RASAL2: variants seen among roughly 807,000 people sequenced by gnomAD.
The protein encoded by RASAL2 is RAS protein activator like 2, also known as ras GTPase-activating protein nGAP.
Under a neutral mutation model 128.9 loss-of-function variants are expected in RASAL2, and 58 were observed. That is an observed-to-expected ratio of 0.45 (90% CI 0.36 to 0.56). The LOEUF is 0.56. Among genes scored for constraint, RASAL2 ranks in the 20% least tolerant of loss-of-function variants. The pLI is 0.00. For missense variants in RASAL2, 1,360 were observed against 1,601.6 expected, an observed-to-expected ratio of 0.85 and a Z score of 2.57; for synonymous variants, 561 against 580.8, an observed-to-expected ratio of 0.97 and a Z score of 0.49.
At chr1:178,192,215 C>T (rs1662518551) in intron 1 of RASAL2, among the ~76,000 whole-genome samples, 1 of 152,096 alleles carries the variant, frequency 6.6e-6, no homozygotes, top group South Asian at 2.1e-4. Flanking sequence ...TTTTTCTTTT[C>T]CCTGTCCCTC....
chr1:178,324,504 A>G (rs892788056), intron 3 of RASAL2, among the ~76,000 whole-genome samples: 1 of 151,156 alleles, frequency 6.6e-6, no homozygotes, highest in Non-Finnish European at 1.5e-5. Context: ...GTTTTTTTCC[A>G]TTTTCACTTG....
chr1:178,434,605 A>G (rs1190589150), intron 5 of RASAL2, among the ~76,000 whole-genome samples: 2 of 152,092 alleles, frequency 1.3e-5, no homozygotes, highest in Non-Finnish European at 2.9e-5. Flanking sequence ...TTTTTAAGCT[A>G]ACATAAAAAT....
chr1:178,339,654 T>C (rs1433312193), intron 3 of RASAL2, among the ~76,000 whole-genome samples: 1 of 152,224 alleles, frequency 6.6e-6, no homozygotes, highest in Non-Finnish European at 1.5e-5. Context: ...GAGGCCACTT[T>C]AGCCATTTTA....
chr1:178,369,859 ATAT>A (rs762945176), intron 3 of RASAL2, among the ~76,000 whole-genome samples: 61 of 152,208 alleles, frequency 4.0e-4, no homozygotes, highest in Non-Finnish European at 2.1e-4. Flanking sequence ...AAGGTATGAG[ATAT>A]TGTTGAGAAA....
In RASAL2 at chr1:178,456,805, C is replaced by T. The variant is rs1422157031; in HGVS notation, c.2296C>T (p.Gln766Ter). The change falls in exon 13 of 18, where the codon CAA becomes TAA. Residue 766 changes from glutamine (Q) to a stop codon, truncating the protein, a stop_gained. Transcript: ENST00000367649. LOFTEE classifies it high-confidence loss of function. ...GACTAATCCTACGCCAATACAACAG[C>T]AACTGAGACGCTTCACTGAACATAA... The part of the protein sequence containing the change: ...SLTNPTPIQQ[Q>*]LRRFTEHNSS... 1 of 1,614,174 alleles carries T rather than the reference C, an allele frequency of 6.2e-7. No homozygotes were observed. The highest frequency in any genetic ancestry group is 8.5e-7 in the Non-Finnish European group (1 of 1,180,032).
At chr1:178,153,895 G>A (rs1417203732) in intron 1 of RASAL2, among the ~76,000 whole-genome samples, 1 of 152,150 alleles carries the variant, frequency 6.6e-6, no homozygotes, top group Admixed American at 6.5e-5. Context: ...GAATGCAGTG[G>A]TGCGATCTTG....
At chr1:178,396,794 C>T (rs1246691125) in intron 4 of RASAL2, among the ~76,000 whole-genome samples, 3 of 136,360 alleles carry the variant, frequency 2.2e-5, no homozygotes, top group Non-Finnish European at 4.7e-5. Flanking sequence ...AATATCAATA[C>T]AAAATTTTTT....
chr1:178,419,317 C>A (rs535564437), intron 4 of RASAL2, among the ~76,000 whole-genome samples: 1 of 151,898 alleles, frequency 6.6e-6, no homozygotes, highest in African/African-American at 2.4e-5. Flanking sequence ...TCTATTGCCC[C>A]GGCTGGAGTG....
chr1:178,215,096 A>G (rs1663384193), intron 1 of RASAL2, among the ~76,000 whole-genome samples: 1 of 152,188 alleles, frequency 6.6e-6, no homozygotes, highest in South Asian at 2.1e-4. Flanking sequence ...TTCCATGTGT[A>G]ACAGTTAACT....
At chr1:178,360,598 G>A (rs73035272) in intron 3 of RASAL2, among the ~76,000 whole-genome samples, 3,154 of 152,266 alleles carry the variant, frequency 0.021, 92 homozygotes, top group African/African-American at 0.069. Context: ...CTTCCAGTCA[G>A]CAAGGTTACA....
chr1:178,319,412 C>G (rs1417682685), intron 3 of RASAL2, among the ~76,000 whole-genome samples: 1 of 151,628 alleles, frequency 6.6e-6, no homozygotes. Flanking sequence ...TCCATTCTCC[C>G]CATCACTTTC....
chr1:178,209,494 T>C (rs943013870), intron 1 of RASAL2, among the ~76,000 whole-genome samples: 2 of 152,218 alleles, frequency 1.3e-5, no homozygotes, highest in African/African-American at 4.8e-5. Flanking sequence ...CTCATCTTTT[T>C]CCATTCCTAT....
chr1:178,122,289 C>T (rs999239914), intron 1 of RASAL2, among the ~76,000 whole-genome samples: 2 of 152,060 alleles, frequency 1.3e-5, no homozygotes, highest in African/African-American at 2.4e-5. Context: ...AGAAAAAATA[C>T]GACAAGTATG....
chr1:178,303,064 A>G, intron 3 of RASAL2, among the ~76,000 whole-genome samples: 1 of 152,198 alleles, frequency 6.6e-6, no homozygotes, highest in East Asian at 1.9e-4. Flanking sequence ...ATAAACAAAT[A>G]GAATAGTGAA....
At chr1:178,150,468 G>A (rs1334233254) in intron 1 of RASAL2, among the ~76,000 whole-genome samples, 1 of 152,106 alleles carries the variant, frequency 6.6e-6, no homozygotes. Flanking sequence ...TTACAGGCGT[G>A]ATCCACTGCG....
chr1:178,162,957 G>C (rs1279581461), intron 1 of RASAL2, among the ~76,000 whole-genome samples: 1 of 151,642 alleles, frequency 6.6e-6, no homozygotes, highest in African/African-American at 2.4e-5. Context: ...CCCTTTTGCA[G>C]ATTTTTACAC....
intron 3 of RASAL2, among the ~76,000 whole-genome samples, chr1:178,343,027 A>G (rs1249354488): frequency 6.6e-6 from 1 of 152,194 alleles, no homozygotes; most frequent in Non-Finnish European, 1.5e-5. Context: ...GAGAGGCCAC[A>G]CTATTCTAGT....
chr1:178,373,916 C>G (rs1285018214), intron 3 of RASAL2, among the ~76,000 whole-genome samples: 2 of 152,064 alleles, frequency 1.3e-5, no homozygotes, highest in Non-Finnish European at 2.9e-5. Context: ...ATGTTGACTT[C>G]TGGGTAGTCA....
intron 4 of RASAL2, among the ~76,000 whole-genome samples, chr1:178,393,799 C>T (rs1172234684): frequency 6.6e-6 from 1 of 152,150 alleles, no homozygotes; most frequent in African/African-American, 2.4e-5. Context: ...CACAGTACCT[C>T]CCACAGAGCA....
Sources: allele counts gnomAD v4.1 joint callset (sites outside exome capture counted in the v4.1 genomes callset), GRCh38; gene constraint gnomAD v4.1.1; transcripts MANE v1.5; gene names NCBI Gene and HGNC (gene_info 2026-07-23, HGNC 2026-07-21).